CLEC16A: variants seen among roughly 807,000 people sequenced by gnomAD.
The protein encoded by CLEC16A is protein CLEC16A.
CLEC16A carries 51 observed loss-of-function variants against 109.5 expected under a neutral mutation model. The observed-to-expected ratio is 0.47, with a 90% CI of 0.37 to 0.59. The LOEUF is 0.59. CLEC16A is among the 20% of genes least tolerant of loss of function. The pLI, the probability that CLEC16A is intolerant of heterozygous loss-of-function variation, is 0.00. For synonymous variants in CLEC16A, 673 were observed against 564.2 expected (o/e 1.19, Z -2.73); for missense variants, 1,339 against 1,394.0 (o/e 0.96, Z 0.63).
chr16:11,008,162 A>C (rs960927584), intron 11 of CLEC16A, among the ~76,000 whole-genome samples: 1 of 152,178 alleles, frequency 6.6e-6, no homozygotes. Flanking sequence ...CTTATATCCT[A>C]GGTAACCAGC....
chr16:11,133,579 C>G (rs949930820), intron 22 of CLEC16A, among the ~76,000 whole-genome samples: 4 of 152,136 alleles, frequency 2.6e-5, no homozygotes, highest in Admixed American at 1.3e-4. Context: ...ACCGCAAAGC[C>G]TCTGACCGCC....
At chr16:11,156,220 A>G (rs1806819603) in intron 22 of CLEC16A, among the ~76,000 whole-genome samples, 1 of 152,086 alleles carries the variant, frequency 6.6e-6, no homozygotes, top group South Asian at 2.1e-4. Context: ...AACAAAAAAA[A>G]TTAGTGGAGC....
Position 10,983,037 on chromosome 16 carries a change from C to T in CLEC16A, c.1071+46C>T, listed in dbSNP as rs2043416506. Reference sequence around the variant, plus strand: ...CTGACCTTAACAGGAAACCATTGCTCATTTTGCTAATCTGTGTGTTTCTCT... The same window carrying T: ...CTGACCTTAACAGGAAACCATTGCTTATTTTGCTAATCTGTGTGTTTCTCT... On this transcript the variant is annotated intron_variant, in intron 10 of 23. Coordinates refer to ENST00000409790, the MANE Select transcript of CLEC16A (RefSeq NM_015226.3). The T allele has an allele frequency of 3.8e-6, 4 of 1,058,282 alleles. No homozygotes were observed. In the South Asian group the frequency reaches 5.2e-5, roughly 14 times the overall value. 65.6% of individuals were successfully genotyped at this position (1,058,282 alleles called of 1,614,324 possible). A position where few individuals can be genotyped will look rare whatever the true frequency, so the allele number is the denominator to read the frequency against.
chr16:11,039,112 C>A (rs2047180192), intron 13 of CLEC16A, among the ~76,000 whole-genome samples: 1 of 152,082 alleles, frequency 6.6e-6, no homozygotes, highest in Admixed American at 6.5e-5. Context: ...TCAGACCTGG[C>A]ACACAGTGGC....
chr16:11,051,578 G>A lies in CLEC16A; in HGVS notation c.1932G>A (p.Thr644=), dbSNP rs975417059. 9.9e-6 allele frequency: 16 copies of A among 1,613,924 alleles called. No homozygotes were observed. Among genetic ancestry groups the A allele is most frequent in the East Asian group, 2.2e-5 (1 of 44,894 alleles). ...CCATCCTGCTGCCCCCAACAGGCAC[G>A]CCACTGACGGGCATTGACTTCGTGA... ...DASILLPPTG[T]PLTGIDFVKR... is the part of the protein sequence containing the mutation. Residue 644 remains threonine (T), a synonymous_variant, in exon 18 of 24, where the codon ACG becomes ACA. Coordinates refer to ENST00000409790, the MANE Select transcript of CLEC16A (RefSeq NM_015226.3).
chr16:11,114,994 C>T (rs1432445549), intron 19 of CLEC16A, among the ~76,000 whole-genome samples: 2 of 152,210 alleles, frequency 1.3e-5, no homozygotes, highest in Non-Finnish European at 2.9e-5. Flanking sequence ...GTCTCAATTA[C>T]ATTTCTGAAA....
chr16:11,000,665 C>T (rs75156921), intron 10 of CLEC16A, among the ~76,000 whole-genome samples: 28 of 152,294 alleles, frequency 1.8e-4, no homozygotes, highest in African/African-American at 6.7e-4. Context: ...GTCTGTAATA[C>T]GCTATCTGGG....
intron 7 of CLEC16A, among the ~76,000 whole-genome samples, chr16:10,973,889 T>C (rs2042915707): frequency 1.4e-5 from 1 of 69,424 alleles, no homozygotes; most frequent in Admixed American, 1.2e-4. Context: ...GCTGCTTGCT[T>C]TTTTTTTTTT....
intron 7 of CLEC16A, among the ~76,000 whole-genome samples, chr16:10,976,108 A>G (rs573174665): frequency 1.2e-3 from 185 of 152,218 alleles, no homozygotes; most frequent in African/African-American, 4.3e-3. Context: ...CCCTCTATGA[A>G]AAATTTTTAA....
chr16:11,159,163 A>G (rs2054633250), intron 22 of CLEC16A, among the ~76,000 whole-genome samples: 3 of 152,240 alleles, frequency 2.0e-5, no homozygotes, highest in Admixed American at 1.3e-4. Context: ...AGCAGCAGTT[A>G]GAAGAAGCTG....
In CLEC16A at chr16:10,995,796, TG is replaced by T. The variant is rs2044292773; in HGVS notation, c.1072-7277del. On this transcript the variant is annotated intron_variant, in intron 10 of 23. Transcript: ENST00000409790. ...GCCAGGTCTGCCTGGGCATGTTTTTTGTTAGTCACCATGGCCTGTCTCCTTT... is the reference window on the plus strand; with the variant it reads ...GCCAGGTCTGCCTGGGCATGTTTTTTTTAGTCACCATGGCCTGTCTCCTTT... Among the ~76,000 whole-genome samples the T allele has an allele frequency of 2.0e-5, 3 of 152,214 alleles. No homozygotes were observed. The South Asian group carries it at 6.2e-4, about 31-fold the overall frequency.
intron 22 of CLEC16A, among the ~76,000 whole-genome samples, chr16:11,130,448 G>T (rs1333550650): frequency 6.6e-6 from 1 of 152,214 alleles, no homozygotes; most frequent in African/African-American, 2.4e-5. Context: ...CTGTCACCAA[G>T]CGAGCAAGAT....
intron 22 of CLEC16A, among the ~76,000 whole-genome samples, chr16:11,143,590 G>A (rs564654429): frequency 1.3e-5 from 2 of 152,344 alleles, no homozygotes; most frequent in African/African-American, 4.8e-5. Context: ...GCTGTCAGCT[G>A]CATCTGCCGT....
chr16:11,174,285 T>G lies in CLEC16A; in HGVS notation c.2807-4050T>G. On this transcript the variant is annotated intron_variant, in intron 23 of 23. Coordinates refer to ENST00000409790, the MANE Select transcript of CLEC16A (RefSeq NM_015226.3). The surrounding 1 kb of genome is among the most constrained non-coding windows in gnomAD (Gnocchi z 4.7). ...CACGCACAGTCAATTCAGGCAGGTC[T>G]CCCCTGTGAGCCGCTCGGGCCGCGA... 1 of 457,860 alleles carries G rather than the reference T, an allele frequency of 2.2e-6. No individual in the cohort carries two copies. The highest frequency in any genetic ancestry group is 4.5e-6 in the Non-Finnish European group (1 of 223,340). The allele number at this position is 457,860 out of a possible 1,614,324, so 28.4% of individuals were successfully genotyped here.
At chr16:11,173,350 G>C (rs770667905) in intron 23 of CLEC16A, among the ~76,000 whole-genome samples, 2 of 152,132 alleles carry the variant, frequency 1.3e-5, no homozygotes, top group Admixed American at 6.5e-5. Flanking sequence ...CATTCAAGCT[G>C]TGTGCTCACC....
At chr16:11,166,133 C>G (rs965251051) in intron 22 of CLEC16A, among the ~76,000 whole-genome samples, 1 of 152,226 alleles carries the variant, frequency 6.6e-6, no homozygotes, top group African/African-American at 2.4e-5. Context: ...CTCGGATTTA[C>G]GACTCATGGC....
chr16:11,137,482 G>A (rs980442644), intron 22 of CLEC16A, among the ~76,000 whole-genome samples: 11 of 151,864 alleles, frequency 7.2e-5, no homozygotes, highest in South Asian at 4.2e-4. Context: ...CCAGCTGGGC[G>A]TGGTGGCTCA....
At chr16:11,009,368 T>C (rs1226729238) in intron 11 of CLEC16A, among the ~76,000 whole-genome samples, 2 of 152,244 alleles carry the variant, frequency 1.3e-5, no homozygotes, top group Admixed American at 1.3e-4. Flanking sequence ...TTGCTTCCAC[T>C]TTTGGCTATT....
At chr16:11,061,663 A>C (rs1262579294) in intron 19 of CLEC16A, among the ~76,000 whole-genome samples, 1 of 152,214 alleles carries the variant, frequency 6.6e-6, no homozygotes, top group African/African-American at 2.4e-5. Context: ...CAGGCACACT[A>C]ATGAGCAGCA....
Sources: gnomAD v4.1 joint callset for allele counts (sites outside exome capture counted in the v4.1 genomes callset) on GRCh38, gnomAD v4.1.1 for gene constraint, Gnocchi (gnomAD v3.1) non-coding constraint, MANE v1.5 for transcripts, NCBI Gene and HGNC (gene_info 2026-07-23, HGNC 2026-07-21) for gene names.